CNTNAP4: variants seen among roughly 807,000 people sequenced by gnomAD.
CNTNAP4 encodes contactin-associated protein-like 4.
In CNTNAP4, 98 loss-of-function variants were observed where a neutral mutation model predicts 148.4. The observed-to-expected ratio is 0.66, with a 90% confidence interval of 0.56 to 0.78. The LOEUF (loss-of-function observed/expected upper bound fraction) is 0.78, where lower values mean the gene tolerates loss of function less well. Among genes scored for constraint, CNTNAP4 ranks in the 30% least tolerant of loss-of-function variants. The probability of loss-of-function intolerance (pLI) is 0.00; values close to 1 mark genes in which losing one functional copy is unlikely to be tolerated. For synonymous variants in CNTNAP4, 730 were observed against 565.1 expected (o/e 1.29, Z -4.14); for missense variants, 1,935 against 1,565.6 (o/e 1.24, Z -3.98).
At chr16:76,390,256 A>G (rs1038682848) in intron 3 of CNTNAP4, among the ~76,000 whole-genome samples, 18 of 152,190 alleles carry the variant, frequency 1.2e-4, no homozygotes, top group African/African-American at 4.1e-4. Context: ...GTATATGGTG[A>G]AGAGTGGGCA....
In CNTNAP4 at chr16:76,319,665, A is replaced by G. The variant is rs527597246; in HGVS notation, c.196+3142A>G. The stretch of plus-strand genomic sequence containing the variant: ...CTTATAAGGAGTGTGAGATTTGGAG[A>G]CATACAGAGACAGGAAAGACAGAGT... On this transcript the variant is annotated intron_variant, in intron 2 of 23. Coordinates refer to ENST00000611870, the MANE Select transcript of CNTNAP4 (RefSeq NM_033401.5). Among the ~76,000 whole-genome samples the G allele has an allele frequency of 7.9e-5, 12 of 152,224 alleles. No individual in the cohort carries two copies. In the South Asian group the frequency reaches 2.1e-3, roughly 26 times the overall value.
intron 17 of CNTNAP4, among the ~76,000 whole-genome samples, chr16:76,531,222 T>TA (rs1194213397): frequency 1.3e-5 from 2 of 152,168 alleles, no homozygotes; most frequent in African/African-American, 2.4e-5. Flanking sequence ...AATTTGCCAT[T>TA]AAAAATTTAA....
intron 1 of CNTNAP4, among the ~76,000 whole-genome samples, chr16:76,278,505 A>C (rs993100342): frequency 3.9e-5 from 6 of 152,220 alleles, no homozygotes; most frequent in African/African-American, 1.4e-4. Flanking sequence ...TATAATTTAG[A>C]TATCATCCAT....
chr16:76,342,405 C>T (rs1243339315), intron 2 of CNTNAP4, among the ~76,000 whole-genome samples: 1 of 147,568 alleles, frequency 6.8e-6, no homozygotes, highest in East Asian at 2.0e-4. Context: ...TTATGGTTGT[C>T]TATTGAGTTT....
chr16:76,367,921 T>G (rs2014353358), intron 3 of CNTNAP4, among the ~76,000 whole-genome samples: 1 of 152,198 alleles, frequency 6.6e-6, no homozygotes, highest in African/African-American at 2.4e-5. Context: ...ATTCACTGAT[T>G]TCCAGGTTAT....
At chr16:76,498,828 C>A in intron 15 of CNTNAP4, 134 bp downstream of exon 15, 2 of 861,966 alleles carry the variant, frequency 2.3e-6, no homozygotes, top group Non-Finnish European at 3.3e-6. Context: ...TTGTTTGTTT[C>A]CACATACATG....
intron 1 of CNTNAP4, among the ~76,000 whole-genome samples, chr16:76,289,016 C>G (rs1959001598): frequency 6.6e-6 from 1 of 152,074 alleles, no homozygotes; most frequent in Non-Finnish European, 1.5e-5. Context: ...TTCTCCTGGT[C>G]AACCTATTCT....
At chr16:76,460,636 G>A (rs1288493987) in intron 8 of CNTNAP4, among the ~76,000 whole-genome samples, 10 of 146,762 alleles carry the variant, frequency 6.8e-5, no homozygotes, top group East Asian at 2.1e-4. Flanking sequence ...GGTGGCAAGC[G>A]CCTGTAGTCC....
intron 1 of CNTNAP4, chr16:76,287,484 G>A (rs1299256847): frequency 2.6e-5 from 4 of 152,132 alleles, no homozygotes; most frequent in African/African-American, 4.8e-5. Flanking sequence ...ATGTATAATT[G>A]CAACATGAAC....
chr16:76,489,227 A>T lies in CNTNAP4; in HGVS notation c.1883-459A>T, dbSNP rs184165159. 3.9e-5 allele frequency among the ~76,000 whole-genome samples: 6 copies of T among 152,100 alleles called. No individual in the cohort carries two copies. In the East Asian group the frequency reaches 9.6e-4, roughly 24 times the overall value. On this transcript the variant is annotated intron_variant, in intron 12 of 23. Coordinates refer to ENST00000611870, the MANE Select transcript of CNTNAP4 (RefSeq NM_033401.5). ...AATTATTTCTTGAATTCTAATATAC[A>T]TTTTTTTAAATATTGTGATATCATT...
intron 3 of CNTNAP4, among the ~76,000 whole-genome samples, chr16:76,357,604 T>A (rs905488472): frequency 1.3e-5 from 2 of 152,236 alleles, no homozygotes; most frequent in African/African-American, 4.8e-5. Context: ...GTAAATACTG[T>A]ACCTTGCGAT....
chr16:76,484,036 A>G (rs1471697443), intron 12 of CNTNAP4, among the ~76,000 whole-genome samples: 1 of 151,876 alleles, frequency 6.6e-6, no homozygotes, highest in African/African-American at 2.4e-5. Flanking sequence ...TTTAAATTAA[A>G]TCAACATTTA....
chr16:76,429,727 C>T (rs1012859612), intron 4 of CNTNAP4, among the ~76,000 whole-genome samples: 5 of 152,130 alleles, frequency 3.3e-5, no homozygotes, highest in Non-Finnish European at 7.4e-5. Flanking sequence ...ACTCAAACCT[C>T]CCCCTCACCT....
In CNTNAP4 at chr16:76,558,661, A is replaced by G; in HGVS notation, c.3905A>G (p.Asn1302Ser). ...ELNIQNAVNE[N>S]QKEYFF ...AATATACAAAATGCAGTCAATGAAAATCAGAAAGAGTACTTCTTCTGATTG... is the reference window on the plus strand; with the variant it reads ...AATATACAAAATGCAGTCAATGAAAGTCAGAAAGAGTACTTCTTCTGATTG... Residue 1302 changes from asparagine to serine, a missense_variant, in exon 24 of 24, where the codon AAT (asparagine) becomes AGT (serine). By Grantham distance (46) the Asn-to-Ser change is conservative. Coordinates refer to ENST00000611870, the MANE Select transcript of CNTNAP4 (RefSeq NM_033401.5). The G allele has an allele frequency of 1.2e-6, 2 of 1,609,420 alleles. No homozygotes were observed. Among genetic ancestry groups the G allele is most frequent in the Non-Finnish European group, 8.5e-7 (1 of 1,178,178 alleles).
intron 3 of CNTNAP4, among the ~76,000 whole-genome samples, chr16:76,385,603 T>C (rs2016445780): frequency 6.6e-6 from 1 of 151,892 alleles, no homozygotes; most frequent in African/African-American, 2.4e-5. Context: ...ATTCTCATTA[T>C]GCGTGGAAAT....
chr16:76,396,315 A>G (rs562370276), intron 3 of CNTNAP4, among the ~76,000 whole-genome samples: 2 of 152,328 alleles, frequency 1.3e-5, no homozygotes, highest in East Asian at 1.9e-4. Flanking sequence ...CAAGCCAGAC[A>G]CCACCAGAAA....
At chr16:76,410,284 A>G (rs1450189998) in intron 3 of CNTNAP4, among the ~76,000 whole-genome samples, 1 of 151,838 alleles carries the variant, frequency 6.6e-6, no homozygotes, top group Non-Finnish European at 1.5e-5. Flanking sequence ...TTTTGTGAAC[A>G]TGAAATAAAT....
chr16:76,531,112 A>T (rs137865637), intron 17 of CNTNAP4, among the ~76,000 whole-genome samples: 34 of 152,264 alleles, frequency 2.2e-4, no homozygotes, highest in African/African-American at 7.9e-4. Context: ...AAGGTTGAGG[A>T]TCTTGATTTC....
intron 15 of CNTNAP4, among the ~76,000 whole-genome samples, chr16:76,504,345 T>C (rs1367292309): frequency 1.3e-5 from 2 of 151,526 alleles, no homozygotes; most frequent in African/African-American, 4.9e-5. Flanking sequence ...AACTCAATGA[T>C]GAAAGGATAG....
Sources: allele counts gnomAD v4.1 joint callset (sites outside exome capture counted in the v4.1 genomes callset), GRCh38; gene constraint gnomAD v4.1.1; transcripts MANE v1.5; gene names NCBI Gene and HGNC (gene_info 2026-07-23, HGNC 2026-07-21).